The following OR5A1 variants were observed in gnomAD, a reference collection of about 807,000 sequenced individuals.
The protein encoded by OR5A1 is olfactory receptor family 5 subfamily A member 1.
In OR5A1, 6 loss-of-function variants were observed where a neutral mutation model predicts 6.7. That is an observed-to-expected ratio of 0.89 (90% CI 0.49 to 1.76). The LOEUF is 1.76. Among genes scored for constraint, OR5A1 ranks in the 40% most tolerant of loss-of-function variants. The pLI is 0.01. For synonymous variants in OR5A1, 170 were observed against 155.0 expected, an observed-to-expected ratio of 1.10 and a Z score of -0.72; for missense variants, 378 against 381.7, an observed-to-expected ratio of 0.99 and a Z score of 0.08.
Position 59,448,799 on chromosome 11 carries a change from T to C in OR5A1, c.*4683T>C, listed in dbSNP as rs1334923981. ...TAAATATGCATTTTTGGTCAATTAT[T>C]ATAATTGATCTGTTGGAAAAAAATC... is the stretch of plus-strand genomic sequence containing the variant. On this transcript the variant is annotated 3_prime_UTR_variant, in exon 2 of 2. Coordinates refer to ENST00000641045, the MANE Select transcript of OR5A1 (RefSeq NM_001004728.2). 3.9e-5 allele frequency: 6 copies of C among 152,216 alleles called. No homozygotes were observed. The highest frequency in any genetic ancestry group is 8.8e-5 in the Non-Finnish European group (6 of 68,034). 9.4% of individuals were successfully genotyped at this position (152,216 alleles called of 1,614,324 possible). A position where few individuals can be genotyped will look rare whatever the true frequency, so the allele number is the denominator to read the frequency against.
At chr11:59,438,456 A>G (rs1314740734) in intron 1 of OR5A1, among the ~76,000 whole-genome samples, 1 of 152,218 alleles carries the variant, frequency 6.6e-6, no homozygotes, top group African/African-American at 2.4e-5. Context: ...ATGCTAAGGT[A>G]GAACAAATAT....
rs1319167898 is a variant in OR5A1 at position 59,448,292 on chromosome 11, A to G, written c.*4176A>G. 6.6e-6 allele frequency: 1 copy of G among 152,108 alleles called. No individual in the cohort carries two copies. Among genetic ancestry groups the G allele is most frequent in the Non-Finnish European group, 1.5e-5 (1 of 68,018 alleles). The allele number at this position is 152,108 out of a possible 1,614,324, so 9.4% of individuals were successfully genotyped here. The stretch of plus-strand genomic sequence containing the variant: ...GAGGAAAAGGGAAGGAACTCCCCAT[A>G]CACATACTAAGATCTTTAAGGTTAC... On this transcript the variant is annotated 3_prime_UTR_variant, in exon 2 of 2. Transcript: ENST00000641045.
rs543857772 is a variant in OR5A1, at chr11:59,450,475, T to C, written c.*6359T>C. On this transcript the variant is annotated 3_prime_UTR_variant, in exon 2 of 2. Transcript: ENST00000641045. ...CCTTTTCCATAATAAGTCAGCTTCT[T>C]AGAACAATTTTAAAAACAAAAAACA... The C allele has an allele frequency of 6.6e-6, 1 of 152,262 alleles. No individual in the cohort carries two copies. Among genetic ancestry groups the C allele is most frequent in the Non-Finnish European group, 1.5e-5 (1 of 68,016 alleles). The allele number at this position is 152,262 out of a possible 1,614,324, so 9.4% of individuals were successfully genotyped here. A position where few individuals can be genotyped will look rare whatever the true frequency, so the allele number is the denominator to read the frequency against.
intron 1 of OR5A1, among the ~76,000 whole-genome samples, chr11:59,440,994 G>T (rs373213468): frequency 9.9e-5 from 15 of 152,258 alleles, no homozygotes; most frequent in African/African-American, 3.6e-4. Context: ...GGGGAGAAAT[G>T]GGCCCCAATT....
intron 1 of OR5A1, among the ~76,000 whole-genome samples, chr11:59,441,089 T>C (rs961900307): frequency 1.3e-5 from 2 of 152,108 alleles, no homozygotes; most frequent in African/African-American, 4.8e-5. Context: ...TAGATGTGGA[T>C]TGATTTGTGA....
intron 1 of OR5A1, among the ~76,000 whole-genome samples, chr11:59,438,254 C>G (rs1858444245): frequency 6.6e-6 from 1 of 152,120 alleles, no homozygotes. Context: ...TCTATATTGT[C>G]TTAAATGGGA....
intron 1 of OR5A1, among the ~76,000 whole-genome samples, chr11:59,439,045 G>A (rs12808866): frequency 0.19 from 28,371 of 152,068 alleles, 3,438 homozygotes; most frequent in Non-Finnish European, 0.27. Flanking sequence ...CAGGATTGGC[G>A]GGGAAATCAC....
At position 59,439,325 on chromosome 11, in the gene OR5A1, GTTCACAAAGATGCTGGAAC is replaced by G. The variant is rs561546973; in HGVS notation, c.-34+2492_-34+2510del. Among the ~76,000 whole-genome samples, 420 of 152,296 alleles carry G rather than the reference GTTCACAAAGATGCTGGAAC, an allele frequency of 2.8e-3. 3 individuals carry two copies. Among genetic ancestry groups the G allele is most frequent in the African/African-American group, 9.5e-3 (395 of 41,570 alleles). On this transcript the variant is annotated intron_variant, in intron 1 of 1. Transcript: ENST00000641045. ...TCCCGTGTCAGTCAAGGATAGTGTA[GTTCACAAAGATGCTGGAAC>G]TGCATCTATGAGTCTAATGAGGTCA...
rs578249883 is a variant in OR5A1, at chr11:59,447,436, A to C, written c.*3320A>C. On this transcript the variant is annotated 3_prime_UTR_variant, in exon 2 of 2. Transcript: ENST00000641045. Reference sequence around the variant, plus strand: ...GCTAGTGTATGAAACTGCAACAATTAGGCCAGTAAAATTTTAGGAATGAAA... The same window carrying C: ...GCTAGTGTATGAAACTGCAACAATTCGGCCAGTAAAATTTTAGGAATGAAA... 2.6e-5 allele frequency: 4 copies of C among 152,352 alleles called. No individual in the cohort carries two copies. The highest frequency in any genetic ancestry group is 2.6e-4 in the Admixed American group (4 of 15,304). The allele number at this position is 152,352 out of a possible 1,614,324, so 9.4% of individuals were successfully genotyped here.
chr11:59,443,910 C>CT lies in OR5A1; in HGVS notation c.743dup (p.Met249AspfsTer72). On this transcript the variant is annotated frameshift_variant, in exon 2 of 2. Coordinates refer to ENST00000641045, the MANE Select transcript of OR5A1 (RefSeq NM_001004728.2). LOFTEE classifies it high-confidence loss of function. ...AGCCTGCAACACGTGTGCCTCGCAT[C>CT]TGATGGTGGTGACTCTGCTGTTTGG... 1 of 1,614,134 alleles carries CT rather than the reference C, an allele frequency of 6.2e-7. No homozygotes were observed. The highest frequency in any genetic ancestry group is 8.5e-7 in the Non-Finnish European group (1 of 1,180,026).
At chr11:59,441,462 T>G (rs994824128) in intron 1 of OR5A1, among the ~76,000 whole-genome samples, 13 of 152,200 alleles carry the variant, frequency 8.5e-5, no homozygotes, top group Non-Finnish European at 1.9e-4. Context: ...TTAAAATAAT[T>G]TCATTGATTT....
rs1858529133 is a variant in OR5A1, at chr11:59,444,847, T to G, written c.*731T>G. 1 of 152,198 alleles carries G rather than the reference T, an allele frequency of 6.6e-6. No homozygotes were observed. Among genetic ancestry groups the G allele is most frequent in the African/African-American group, 2.4e-5 (1 of 41,442 alleles). The allele number at this position is 152,198 out of a possible 1,614,324, so 9.4% of individuals were successfully genotyped here. ...CCCTTGGCTGCCATTTCTCTCTTTC[T>G]CAGCTATGTAAGGGCTGGGAAATTT... On this transcript the variant is annotated 3_prime_UTR_variant, in exon 2 of 2. Coordinates refer to ENST00000641045, the MANE Select transcript of OR5A1 (RefSeq NM_001004728.2).
chr11:59,444,376 C>T lies in OR5A1; in HGVS notation c.*260C>T, dbSNP rs1858524160. The T allele has an allele frequency of 3.5e-6, 1 of 289,778 alleles. No individual in the cohort carries two copies. Among genetic ancestry groups the T allele is most frequent in the Non-Finnish European group, 6.5e-6 (1 of 154,506 alleles). The allele number at this position is 289,778 out of a possible 1,614,324, so 18.0% of individuals were successfully genotyped here. A position where few individuals can be genotyped will look rare whatever the true frequency, so the allele number is the denominator to read the frequency against. On this transcript the variant is annotated 3_prime_UTR_variant, in exon 2 of 2. Coordinates refer to ENST00000641045, the MANE Select transcript of OR5A1 (RefSeq NM_001004728.2). ...GGATAACCTATTTTCACAATAATCACAATAACTAGCCTTTATTGGGCCCTT... is the reference window on the plus strand; with the variant it reads ...GGATAACCTATTTTCACAATAATCATAATAACTAGCCTTTATTGGGCCCTT...
In OR5A1 at chr11:59,445,627, CA is replaced by C. The variant is rs1442086124; in HGVS notation, c.*1512del. On this transcript the variant is annotated 3_prime_UTR_variant, in exon 2 of 2. Coordinates refer to ENST00000641045, the MANE Select transcript of OR5A1 (RefSeq NM_001004728.2). ...TTGAACTAATTTACATTCCCACCAA[CA>C]GTATAAAAGTGTTCCTATTTCTCCA... 6.6e-6 allele frequency: 1 copy of C among 152,186 alleles called. No homozygotes were observed. 9.4% of individuals were successfully genotyped at this position (152,186 alleles called of 1,614,324 possible).
chr11:59,442,787 G>A (rs1858494910), intron 1 of OR5A1, among the ~76,000 whole-genome samples: 1 of 152,184 alleles, frequency 6.6e-6, no homozygotes, highest in Non-Finnish European at 1.5e-5. Flanking sequence ...TTATGTGCCA[G>A]GCACTTAAAA....
Position 59,443,108 on chromosome 11 carries a change from A to G in OR5A1, c.-33-28A>G, listed in dbSNP as rs1014328686. 1.7e-5 allele frequency: 22 copies of G among 1,294,408 alleles called. No homozygotes were observed. In the African/African-American group the frequency reaches 3.2e-4, roughly 19 times the overall value. 80.2% of individuals were successfully genotyped at this position (1,294,408 alleles called of 1,614,324 possible). On this transcript the variant is annotated intron_variant, in intron 1 of 1. Transcript: ENST00000641045. ...TTGTAGTTATTTGCTAATACCACCT[A>G]TAATGTGGACTGTCATTACTATCCC...
In OR5A1 at chr11:59,446,651, T is replaced by G. The variant is rs1017527523; in HGVS notation, c.*2535T>G. ...ATTAAACCTTGCAGCCCACATTGGG[T>G]GTAATTTATTTGCCATCATCTCAGG... is the stretch of plus-strand genomic sequence containing the variant. On this transcript the variant is annotated 3_prime_UTR_variant, in exon 2 of 2. Transcript: ENST00000641045. 1 of 152,156 alleles carries G rather than the reference T, an allele frequency of 6.6e-6. No homozygotes were observed. The highest frequency in any genetic ancestry group is 1.5e-5 in the Non-Finnish European group (1 of 68,040). 9.4% of individuals were successfully genotyped at this position (152,156 alleles called of 1,614,324 possible). A position where few individuals can be genotyped will look rare whatever the true frequency, so the allele number is the denominator to read the frequency against.
Position 59,446,853 on chromosome 11 carries a change from T to C in OR5A1, c.*2737T>C, listed in dbSNP as rs1009714719. On this transcript the variant is annotated 3_prime_UTR_variant, in exon 2 of 2. Coordinates refer to ENST00000641045, the MANE Select transcript of OR5A1 (RefSeq NM_001004728.2). Reference sequence around the variant, plus strand: ...ATAAGTAGATATTTGATTTGATTGTTCATATAACAGAATTAATTATTTCCT... The same window carrying C: ...ATAAGTAGATATTTGATTTGATTGTCCATATAACAGAATTAATTATTTCCT... The C allele has an allele frequency of 6.6e-6, 1 of 152,228 alleles. No individual in the cohort carries two copies. The highest frequency in any genetic ancestry group is 1.5e-5 in the Non-Finnish European group (1 of 68,036). 9.4% of individuals were successfully genotyped at this position (152,228 alleles called of 1,614,324 possible). A position where few individuals can be genotyped will look rare whatever the true frequency, so the allele number is the denominator to read the frequency against.
At chr11:59,442,025 A>G (rs1489562716) in intron 1 of OR5A1, among the ~76,000 whole-genome samples, 1 of 152,220 alleles carries the variant, frequency 6.6e-6, no homozygotes, top group Non-Finnish European at 1.5e-5. Flanking sequence ...ATAACAAAGT[A>G]AATACTATTA....
Sources: gnomAD v4.1 joint callset for allele counts (sites outside exome capture counted in the v4.1 genomes callset) on GRCh38, gnomAD v4.1.1 for gene constraint, MANE v1.5 for transcripts, NCBI Gene and HGNC (gene_info 2026-07-23, HGNC 2026-07-21) for gene names.